Variants in WDPCP observed in about 807,000 individuals in gnomAD.
WDPCP encodes the protein WD repeat-containing and planar cell polarity effector protein fritz homolog.
A neutral mutation model predicts 93.1 loss-of-function variants in WDPCP; 71 were observed. That is an observed-to-expected ratio of 0.76 (90% confidence interval 0.63 to 0.93). The LOEUF (loss-of-function observed/expected upper bound fraction) is 0.93, where lower values mean the gene tolerates loss of function less well. WDPCP is among the 40% of genes least tolerant of loss of function. WDPCP has a pLI of 0.00. For synonymous variants in WDPCP, 315 were observed against 315.0 expected (o/e 1.00, Z 0.00); for missense variants, 844 against 887.4 (o/e 0.95, Z 0.62).
intron 9 of WDPCP, among the ~76,000 whole-genome samples, chr2:63,432,845 G>T (rs945996978): frequency 2.0e-5 from 3 of 152,146 alleles, no homozygotes; most frequent in African/African-American, 7.2e-5. Flanking sequence ...GTCAGATAGG[G>T]TAGGTGATCT....
intron 17 of WDPCP, among the ~76,000 whole-genome samples, chr2:63,132,379 C>T (rs955232551): frequency 1.3e-5 from 2 of 151,584 alleles, no homozygotes; most frequent in African/African-American, 4.9e-5. Flanking sequence ...ATGTCTATTT[C>T]TATCCTCAGA....
At chr2:63,326,139 C>T (rs563141221) in intron 12 of WDPCP, among the ~76,000 whole-genome samples, 27 of 152,306 alleles carry the variant, frequency 1.8e-4, no homozygotes, top group South Asian at 6.2e-4. Context: ...ATCGGACAAC[C>T]GCCTACTTAG....
chr2:63,281,856 C>T (rs966071244), intron 13 of WDPCP, among the ~76,000 whole-genome samples: 25 of 152,066 alleles, frequency 1.6e-4, no homozygotes, highest in African/African-American at 5.8e-4. Flanking sequence ...TGATAAAAGA[C>T]TTCAAATTGG....
intron 14 of WDPCP, among the ~76,000 whole-genome samples, chr2:63,249,606 C>G (rs1350593835): frequency 6.6e-6 from 1 of 152,080 alleles, no homozygotes; most frequent in African/African-American, 2.4e-5. Context: ...CATGTCTTTA[C>G]CTCTGATTTT....
At chr2:63,493,041 C>T (rs909141421) in intron 1 of WDPCP, 101 bp from the exon 2 acceptor site, 12 of 1,007,260 alleles carry the variant, frequency 1.2e-5, no homozygotes, top group Non-Finnish European at 1.4e-5. Context: ...TTCGCCACAA[C>T]TGTTATTTGA....
intron 2 of WDPCP, among the ~76,000 whole-genome samples, chr2:63,774,507 T>G (rs1320692349): frequency 5.9e-5 from 9 of 152,174 alleles, no homozygotes; most frequent in Non-Finnish European, 1.3e-4. Flanking sequence ...CCTCAAATCT[T>G]TATATCCAGC....
At chr2:63,618,275 G>A (rs953813284) in intron 3 of WDPCP, among the ~76,000 whole-genome samples, 1 of 152,182 alleles carries the variant, frequency 6.6e-6, no homozygotes, top group African/African-American at 2.4e-5. Context: ...AACTGGGAAA[G>A]CTTTATCTGG....
intron 17 of WDPCP, among the ~76,000 whole-genome samples, chr2:63,133,139 G>T (rs1670396256): frequency 1.3e-5 from 2 of 152,118 alleles, no homozygotes; most frequent in Admixed American, 6.5e-5. Flanking sequence ...CCTGTTTGTG[G>T]TTTTTTGAAT....
At chr2:63,668,460 T>G (rs907485546) in intron 2 of WDPCP, among the ~76,000 whole-genome samples, 4 of 152,238 alleles carry the variant, frequency 2.6e-5, no homozygotes, top group African/African-American at 9.6e-5. Context: ...TTCAGAGTAT[T>G]CCTAACCCAA....
At chr2:63,593,603 C>G (rs1709243898), upstream of WDPCP, 2 of 471,576 alleles carry the variant, frequency 4.2e-6, no homozygotes, top group South Asian at 3.1e-5. Flanking sequence ...GGCTTAGTCA[C>G]ATCAGTGGAC....
chr2:63,691,279 G>C (rs542194994), intron 2 of WDPCP, among the ~76,000 whole-genome samples: 85 of 152,318 alleles, frequency 5.6e-4, no homozygotes, highest in Non-Finnish European at 3.5e-4. Flanking sequence ...AATGCTTAGA[G>C]GACAGAAGGC....
chr2:63,472,687 G>A (rs1227248787), intron 6 of WDPCP, among the ~76,000 whole-genome samples: 2 of 151,998 alleles, frequency 1.3e-5, no homozygotes, highest in East Asian at 3.9e-4. Flanking sequence ...CTCCTCCCGA[G>A]TAGCTGGGAT....
intron 13 of WDPCP, among the ~76,000 whole-genome samples, chr2:63,279,397 A>T (rs1047565232): frequency 6.6e-6 from 1 of 152,210 alleles, no homozygotes; most frequent in Non-Finnish European, 1.5e-5. Flanking sequence ...AAAGGATTAG[A>T]CAAAATCCGG....
intron 2 of WDPCP, among the ~76,000 whole-genome samples, chr2:63,726,688 C>T (rs1575759177): frequency 6.6e-6 from 1 of 152,158 alleles, no homozygotes; most frequent in African/African-American, 2.4e-5. Context: ...GAATGTTCTT[C>T]CACTTCTTTG....
intron 1 of WDPCP, among the ~76,000 whole-genome samples, chr2:63,559,051 G>T (rs897005246): frequency 6.6e-6 from 1 of 152,036 alleles, no homozygotes; most frequent in Admixed American, 6.6e-5. Context: ...CTGGCAAACC[G>T]AATCCAGCAG....
chr2:63,486,525 A>G lies in WDPCP; in HGVS notation c.253+17T>C. On this transcript the variant is annotated intron_variant, in intron 4 of 17. Transcript: ENST00000272321. ...TACAGTTTTATAATAATTCCAAAAA[A>G]TATAAAGTAAGCTTACACTCTGCCA... The G allele has an allele frequency of 6.4e-7, 1 of 1,558,188 alleles. No homozygotes were observed. The highest frequency in any genetic ancestry group is 1.4e-5 in the African/African-American group (1 of 73,144).
At chr2:63,484,276 A>G (rs1225803399) in intron 6 of WDPCP, among the ~76,000 whole-genome samples, 1 of 151,996 alleles carries the variant, frequency 6.6e-6, no homozygotes, top group Non-Finnish European at 1.5e-5. Context: ...CTGTGGTTTC[A>G]TCTTCACTCA....
intron 6 of WDPCP, among the ~76,000 whole-genome samples, chr2:63,461,411 C>G (rs966979855): frequency 2.6e-5 from 4 of 152,146 alleles, no homozygotes; most frequent in Admixed American, 2.6e-4. Context: ...CTGGCTTCCC[C>G]CTTTGCCTTC....
chr2:63,452,128 A>G (rs1698291045), intron 6 of WDPCP, among the ~76,000 whole-genome samples: 1 of 152,176 alleles, frequency 6.6e-6, no homozygotes, highest in Admixed American at 6.5e-5. Flanking sequence ...AGGATATTCA[A>G]TTAGGAAAAG....
Sources: gnomAD v4.1 joint callset for allele counts (sites outside exome capture counted in the v4.1 genomes callset) on GRCh38, gnomAD v4.1.1 for gene constraint, MANE v1.5 for transcripts, NCBI Gene and HGNC (gene_info 2026-07-23, HGNC 2026-07-21) for gene names.